SEMA6A: variants seen among roughly 807,000 people sequenced by gnomAD.
The protein encoded by SEMA6A is semaphorin 6A.
SEMA6A carries 25 observed loss-of-function variants against 96.8 expected under a neutral mutation model. That is an observed-to-expected ratio of 0.26 (90% CI 0.19 to 0.36). The LOEUF (loss-of-function observed/expected upper bound fraction) is 0.36, where lower values mean the gene tolerates loss of function less well. Ranked by LOEUF, SEMA6A falls within the 10% of genes least tolerant of loss-of-function variation. The pLI is 1.00. For synonymous variants in SEMA6A, 612 were observed against 518.0 expected, an observed-to-expected ratio of 1.18 and a Z score of -2.46; for missense variants, 1,363 against 1,323.1, an observed-to-expected ratio of 1.03 and a Z score of -0.47.
At chr5:116,532,869 C>G (rs1362427126) in intron 1 of SEMA6A, among the ~76,000 whole-genome samples, 3 of 152,186 alleles carry the variant, frequency 2.0e-5, no homozygotes, top group Admixed American at 6.5e-5. Flanking sequence ...CAGCTCTTAG[C>G]ATTTTGTCAC....
intron 2 of SEMA6A, among the ~76,000 whole-genome samples, chr5:116,504,511 C>T (rs153643): frequency 0.94 from 143,346 of 152,290 alleles, 67,547 homozygotes; most frequent in East Asian, 1. Context: ...TATATAAAAG[C>T]GAGTAATACT....
At chr5:116,465,171 C>T (rs1483764149) in intron 18 of SEMA6A, among the ~76,000 whole-genome samples, 1 of 152,070 alleles carries the variant, frequency 6.6e-6, no homozygotes, top group Non-Finnish European at 1.5e-5. Context: ...GCACCGACAT[C>T]AGGGAATGAA....
intron 17 of SEMA6A, chr5:116,468,557 A>G (rs1393422183): frequency 6.6e-6 from 1 of 152,240 alleles, no homozygotes; most frequent in Non-Finnish European, 1.5e-5. Context: ...TATGAGAAGA[A>G]TGGCTAGGTT....
chr5:116,479,585 A>T (rs1210330028), intron 12 of SEMA6A, among the ~76,000 whole-genome samples: 1 of 152,178 alleles, frequency 6.6e-6, no homozygotes, highest in Middle Eastern at 3.2e-3. Flanking sequence ...GCTCTGAATA[A>T]ATACAAGGAA....
intron 18 of SEMA6A, among the ~76,000 whole-genome samples, chr5:116,448,755 CAAAAAAAAAA>C (rs3984966): frequency 7.5e-5 from 8 of 106,544 alleles, no homozygotes; most frequent in African/African-American, 2.2e-4. Context: ...CATCACCTCT[CAAAAAAAAAA>C]AAAAAAAAAA....
chr5:116,466,739 T>C (rs1014332220), intron 18 of SEMA6A, among the ~76,000 whole-genome samples: 2 of 152,164 alleles, frequency 1.3e-5, no homozygotes, highest in Admixed American at 6.5e-5. Flanking sequence ...TGAAAACATA[T>C]AGAAGTAAAC....
intron 15 of SEMA6A, among the ~76,000 whole-genome samples, chr5:116,476,511 T>C (rs1330276124): frequency 1.3e-5 from 2 of 152,208 alleles, no homozygotes; most frequent in Admixed American, 1.3e-4. Context: ...TGAAGATTTC[T>C]AGTGGTAATG....
intron 18 of SEMA6A, among the ~76,000 whole-genome samples, chr5:116,453,237 C>G (rs1417815639): frequency 2.0e-5 from 3 of 152,184 alleles, no homozygotes; most frequent in Non-Finnish European, 4.4e-5. Flanking sequence ...AGGCTGTTCT[C>G]TCTGCCTGGA....
At chr5:116,463,620 A>T (rs1216417405) in intron 18 of SEMA6A, among the ~76,000 whole-genome samples, 2 of 152,224 alleles carry the variant, frequency 1.3e-5, no homozygotes, top group African/African-American at 4.8e-5. Context: ...TCTGTAATAC[A>T]TCTTATTCTT....
rs563165479 is a variant in SEMA6A, at chr5:116,487,685, G to A, written c.744+423C>T. On this transcript the variant is annotated intron_variant, in intron 9 of 18. Coordinates refer to ENST00000343348, the MANE Select transcript of SEMA6A (RefSeq NM_020796.5). The stretch of plus-strand genomic sequence containing the variant: ...TTCGAGACCACCCTGCCAACATGGC[G>A]AAACCCTGTCTCTACTAAAAATAAA... Among the ~76,000 whole-genome samples, 48 of 152,208 alleles carry A rather than the reference G, an allele frequency of 3.2e-4. 1 individual carries two copies. The highest frequency in any genetic ancestry group is 1.2e-3 in the South Asian group (6 of 4,808).
intron 4 of SEMA6A, among the ~76,000 whole-genome samples, chr5:116,496,613 A>G (rs1757614677): frequency 6.6e-6 from 1 of 152,208 alleles, no homozygotes; most frequent in Non-Finnish European, 1.5e-5. Flanking sequence ...AAACTATCCA[A>G]ATTAATTTGC....
chr5:116,499,290 C>T (rs549336434), intron 3 of SEMA6A: 4 of 152,274 alleles, frequency 2.6e-5, no homozygotes, highest in African/African-American at 9.6e-5. Flanking sequence ...CATCCCAGGT[C>T]TCATATGCTG....
intron 1 of SEMA6A, among the ~76,000 whole-genome samples, chr5:116,556,863 G>A (rs1760629180): frequency 6.6e-6 from 1 of 152,212 alleles, no homozygotes; most frequent in Admixed American, 6.5e-5. Context: ...TACTTGGAGT[G>A]TTGCAACGTT....
intron 16 of SEMA6A, among the ~76,000 whole-genome samples, chr5:116,474,308 AC>A (rs1050567730): frequency 2.8e-4 from 41 of 148,806 alleles, no homozygotes; most frequent in South Asian, 2.2e-4. Flanking sequence ...ACACACACAC[AC>A]ATCTTAAAAC....
chr5:116,540,256 A>G (rs114078000), intron 1 of SEMA6A, among the ~76,000 whole-genome samples: 2,352 of 152,346 alleles, frequency 0.015, 26 homozygotes, highest in Middle Eastern at 0.031. Flanking sequence ...TTGATTCACA[A>G]TCACTTCAAA....
chr5:116,457,429 A>G (rs776258134), intron 18 of SEMA6A, among the ~76,000 whole-genome samples: 2 of 152,280 alleles, frequency 1.3e-5, no homozygotes, highest in Non-Finnish European at 2.9e-5. Flanking sequence ...ACTGTTCATA[A>G]TGACTGCCTC....
intron 1 of SEMA6A, among the ~76,000 whole-genome samples, chr5:116,524,779 C>CACACACACAGACACACACACACACAG (rs1554090335): frequency 7.3e-5 from 11 of 150,136 alleles, no homozygotes; most frequent in Admixed American, 1.3e-4. Flanking sequence ...TATACACACA[C>CACACACACAGACACACACACACACAG]ACACACACAG....
intron 17 of SEMA6A, chr5:116,468,979 G>A (rs1580395031): frequency 6.6e-6 from 1 of 151,464 alleles, no homozygotes; most frequent in African/African-American, 2.4e-5. Flanking sequence ...AATTATTATT[G>A]GAAGTTGGAT....
chr5:116,491,139 T>A (rs965246629), intron 7 of SEMA6A, among the ~76,000 whole-genome samples: 1 of 152,124 alleles, frequency 6.6e-6, no homozygotes, highest in Non-Finnish European at 1.5e-5. Flanking sequence ...GTTGGAAGCT[T>A]GGGGGTATGT....
Sources: gnomAD v4.1 joint callset for allele counts (sites outside exome capture counted in the v4.1 genomes callset) on GRCh38, gnomAD v4.1.1 for gene constraint, MANE v1.5 for transcripts, NCBI Gene and HGNC (gene_info 2026-07-23, HGNC 2026-07-21) for gene names.